Variants in TAFA2 observed in about 807,000 individuals in gnomAD.
TAFA2 encodes the protein chemokine-like protein TAFA-2.
TAFA2 carries 7 observed loss-of-function variants against 18.8 expected under a neutral mutation model. The ratio of observed to expected loss-of-function variants is 0.37; its 90% CI spans 0.21 to 0.70. The LOEUF (loss-of-function observed/expected upper bound fraction) is 0.70, where lower values mean the gene tolerates loss of function less well. Among genes scored for constraint, TAFA2 ranks in the 30% least tolerant of loss-of-function variants. The probability of loss-of-function intolerance (pLI) is 0.53; values close to 1 mark genes in which losing one functional copy is unlikely to be tolerated. For synonymous variants in TAFA2, 60 were observed against 54.2 expected, an observed-to-expected ratio of 1.11 and a Z score of -0.47; for missense variants, 122 against 158.1, an observed-to-expected ratio of 0.77 and a Z score of 1.23.
At chr12:61,887,098 G>A (rs766133568) in intron 1 of TAFA2, among the ~76,000 whole-genome samples, 17 of 152,216 alleles carry the variant, frequency 1.1e-4, no homozygotes, top group Non-Finnish European at 2.1e-4. Context: ...TAACTAGGCA[G>A]GCTGCCATAT....
At chr12:61,903,219 C>T (rs929250289) in intron 1 of TAFA2, among the ~76,000 whole-genome samples, 12 of 152,088 alleles carry the variant, frequency 7.9e-5, no homozygotes, top group African/African-American at 2.7e-4. Flanking sequence ...CTTACCATAA[C>T]CTAATAGACT....
At chr12:61,734,515 A>C (rs1353500138) in intron 4 of TAFA2, among the ~76,000 whole-genome samples, 1 of 151,928 alleles carries the variant, frequency 6.6e-6, no homozygotes, top group Middle Eastern at 3.2e-3. Context: ...AAAGTATAAT[A>C]ATAATAAAAT....
chr12:61,770,206 A>G (rs939862928), intron 2 of TAFA2, among the ~76,000 whole-genome samples: 1 of 152,080 alleles, frequency 6.6e-6, no homozygotes, highest in Non-Finnish European at 1.5e-5. Context: ...AAAAAGAATA[A>G]AAAAATTAAT....
chr12:61,982,631 T>C (rs1380248920), intron 1 of TAFA2, among the ~76,000 whole-genome samples: 1 of 152,096 alleles, frequency 6.6e-6, no homozygotes, highest in African/African-American at 2.4e-5. Flanking sequence ...CACATTTTAA[T>C]TCCTCAGTCC....
At chr12:62,131,000 A>T (rs530633514) in intron 1 of TAFA2, among the ~76,000 whole-genome samples, 2 of 152,150 alleles carry the variant, frequency 1.3e-5, no homozygotes, top group East Asian at 3.9e-4. Flanking sequence ...ACTGATTACA[A>T]TGTTGATGCA....
intron 1 of TAFA2, among the ~76,000 whole-genome samples, chr12:61,958,742 C>A (rs991668897): frequency 1.3e-4 from 20 of 151,938 alleles, no homozygotes; most frequent in African/African-American, 4.6e-4. Flanking sequence ...TGTGTGTTTA[C>A]CAACTCTGTT....
At chr12:62,010,252 C>T (rs1004804886) in intron 1 of TAFA2, among the ~76,000 whole-genome samples, 6 of 151,044 alleles carry the variant, frequency 4.0e-5, no homozygotes, top group African/African-American at 1.5e-4. Context: ...CTCGCTGCAG[C>T]CTCCCTGCCC....
At chr12:62,091,079 G>T (rs1275206200) in intron 1 of TAFA2, among the ~76,000 whole-genome samples, 2 of 152,010 alleles carry the variant, frequency 1.3e-5, no homozygotes, top group Admixed American at 6.6e-5. Context: ...TATGTAGCAA[G>T]CATTTTGCTA....
At chr12:62,054,078 C>T (rs1238152070) in intron 1 of TAFA2, among the ~76,000 whole-genome samples, 1 of 152,170 alleles carries the variant, frequency 6.6e-6, no homozygotes, top group African/African-American at 2.4e-5. Context: ...GAGCTCAACT[C>T]AGCATACATG....
intron 1 of TAFA2, among the ~76,000 whole-genome samples, chr12:62,074,698 A>ATTTTTTTT (rs67195424): frequency 7.3e-6 from 1 of 137,656 alleles, no homozygotes; most frequent in Admixed American, 7.1e-5. Context: ...AACTACATGA[A>ATTTTTTTT]TTTTTTTTTT....
chr12:62,061,846 G>A (rs1882357002), intron 1 of TAFA2, among the ~76,000 whole-genome samples: 1 of 152,080 alleles, frequency 6.6e-6, no homozygotes, highest in African/African-American at 2.4e-5. Flanking sequence ...GTGGATAAAG[G>A]TGACAAAAAT....
At chr12:61,717,956 T>C (rs1044544876) in intron 4 of TAFA2, among the ~76,000 whole-genome samples, 1 of 152,202 alleles carries the variant, frequency 6.6e-6, no homozygotes, top group Non-Finnish European at 1.5e-5. Context: ...CCAACTACTA[T>C]GACCTTTCTT....
chr12:61,926,150 G>A (rs1050143473), intron 1 of TAFA2, among the ~76,000 whole-genome samples: 1 of 152,062 alleles, frequency 6.6e-6, no homozygotes, highest in African/African-American at 2.4e-5. Flanking sequence ...GACTAAACAA[G>A]TCAAATCCCT....
intron 1 of TAFA2, among the ~76,000 whole-genome samples, chr12:61,982,659 A>T (rs1027861892): frequency 1.3e-5 from 2 of 152,066 alleles, no homozygotes; most frequent in African/African-American, 4.8e-5. Flanking sequence ...ATGGAGATAT[A>T]TCCTTTAGTT....
intron 1 of TAFA2, chr12:62,235,411 G>A: frequency 1.5e-6 from 1 of 652,084 alleles, no homozygotes; most frequent in Non-Finnish European, 2.8e-6. Flanking sequence ...TCATGTTCAA[G>A]ATGGGTGCTG....
At chr12:61,734,529 A>T (rs538475693) in intron 4 of TAFA2, among the ~76,000 whole-genome samples, 14 of 152,140 alleles carry the variant, frequency 9.2e-5, no homozygotes, top group African/African-American at 3.4e-4. Flanking sequence ...ATAAAATAAA[A>T]AAAACTAAAC....
At chr12:62,240,070 T>C (rs1443409610) in intron 1 of TAFA2, among the ~76,000 whole-genome samples, 1 of 150,972 alleles carries the variant, frequency 6.6e-6, no homozygotes, top group Non-Finnish European at 1.5e-5. Flanking sequence ...TGCATAATTA[T>C]ATATATTTAT....
At chr12:62,099,268 A>AT (rs1405026158) in intron 1 of TAFA2, among the ~76,000 whole-genome samples, 1 of 152,038 alleles carries the variant, frequency 6.6e-6, no homozygotes, top group African/African-American at 2.4e-5. Context: ...AATGAAAAAA[A>AT]AAGTGAATTG....
intron 2 of TAFA2, among the ~76,000 whole-genome samples, chr12:61,806,604 G>C (rs961382961): frequency 2.0e-5 from 3 of 152,180 alleles, no homozygotes; most frequent in African/African-American, 7.2e-5. Flanking sequence ...TTGTTTGGAG[G>C]GGTCAGAAGA....
Sources: gnomAD v4.1 joint callset for allele counts (sites outside exome capture counted in the v4.1 genomes callset) on GRCh38, gnomAD v4.1.1 for gene constraint, MANE v1.5 for transcripts, NCBI Gene and HGNC (gene_info 2026-07-23, HGNC 2026-07-21) for gene names.